The following AMPH variants were observed in gnomAD, a reference collection of about 807,000 sequenced individuals.
AMPH encodes amphiphysin (Stiff-Mann syndrome with breast cancer 128kD autoantigen).
Under a neutral mutation model 99.1 loss-of-function variants are expected in AMPH, and 49 were observed. The ratio of observed to expected loss-of-function variants is 0.49; its 90% CI spans 0.39 to 0.63. AMPH has a LOEUF of 0.63. Among genes scored for constraint, AMPH ranks in the 20% least tolerant of loss-of-function variants. The probability of loss-of-function intolerance (pLI) is 0.00; values close to 1 mark genes in which losing one functional copy is unlikely to be tolerated. For synonymous variants in AMPH, 314 were observed against 317.3 expected (o/e 0.99, Z 0.11); for missense variants, 759 against 863.4 (o/e 0.88, Z 1.52).
intron 2 of AMPH, 101 bp downstream of exon 2, chr7:38,534,830 C>T: frequency 2.1e-6 from 2 of 973,770 alleles, no homozygotes; most frequent in Non-Finnish European, 3.1e-6. Flanking sequence ...AGTGCCAACT[C>T]CATCTAGTCT....
chr7:38,422,832 C>G (rs1378981699), intron 15 of AMPH, among the ~76,000 whole-genome samples: 1 of 152,152 alleles, frequency 6.6e-6, no homozygotes, highest in Non-Finnish European at 1.5e-5. Flanking sequence ...GTTGCCCAAG[C>G]TGGTCTCGAA....
At chr7:38,394,866 C>T (rs1784622765) in intron 17 of AMPH, among the ~76,000 whole-genome samples, 1 of 152,198 alleles carries the variant, frequency 6.6e-6, no homozygotes, top group Non-Finnish European at 1.5e-5. Flanking sequence ...TAACCACCCT[C>T]TTTTTAAAAA....
intron 13 of AMPH, among the ~76,000 whole-genome samples, chr7:38,430,509 T>C: frequency 6.6e-6 from 1 of 152,234 alleles, no homozygotes; most frequent in East Asian, 1.9e-4. Context: ...CTAGCAAGTT[T>C]GTCCTCTGAA....
intron 5 of AMPH, among the ~76,000 whole-genome samples, chr7:38,483,887 T>C (rs923892725): frequency 2.0e-5 from 3 of 152,062 alleles, no homozygotes; most frequent in African/African-American, 7.2e-5. Flanking sequence ...AGGAAAATAA[T>C]GTATCCGCAA....
chr7:38,461,536 C>T (rs1787444519), intron 10 of AMPH, 125 bp from the exon 11 acceptor site: 1 of 1,121,980 alleles, frequency 8.9e-7, no homozygotes, highest in Non-Finnish European at 1.3e-6. Context: ...CTGCATATAG[C>T]AGCAAGCCTA....
chr7:38,456,966 A>T (rs1787260308), intron 11 of AMPH, among the ~76,000 whole-genome samples: 1 of 152,254 alleles, frequency 6.6e-6, no homozygotes, highest in Admixed American at 6.5e-5. Context: ...TAAGTCATTG[A>T]GGAAATCACA....
In AMPH at chr7:38,428,859, T is replaced by A. The variant is rs528293721; in HGVS notation, c.1182+983A>T. On this transcript the variant is annotated intron_variant, in intron 14 of 20. Coordinates refer to ENST00000356264, the MANE Select transcript of AMPH (RefSeq NM_001635.4). ...GTCAGTTTTCTCAAAATAATTTTCA[T>A]TGGCGTTTGTACTTTCCTTATACCC... The A allele has an allele frequency of 9.0e-6, 5 of 553,868 alleles. No homozygotes were observed. The Admixed American group carries it at 9.4e-5, about 10-fold the overall frequency. The allele number at this position is 553,868 out of a possible 1,614,324, so 34.3% of individuals were successfully genotyped here. A position where few individuals can be genotyped will look rare whatever the true frequency, so the allele number is the denominator to read the frequency against.
At chr7:38,425,709 A>C (rs908620728) in intron 15 of AMPH, among the ~76,000 whole-genome samples, 1 of 152,186 alleles carries the variant, frequency 6.6e-6, no homozygotes, top group African/African-American at 2.4e-5. Context: ...GAGTCAATAG[A>C]TAATACTTTA....
At chr7:38,609,669 CT>C (rs199949157) in intron 1 of AMPH, among the ~76,000 whole-genome samples, 3 of 151,388 alleles carry the variant, frequency 2.0e-5, no homozygotes, top group Admixed American at 6.6e-5. Flanking sequence ...TAAAATTTAT[CT>C]TTTTTTTTAA....
At chr7:38,475,506 TGGCATCTTGGAAATA>T in intron 6 of AMPH, 90 bp from the exon 7 acceptor site, 4 of 817,530 alleles carry the variant, frequency 4.9e-6, no homozygotes, top group Non-Finnish European at 7.8e-6. Flanking sequence ...AATAGTCTTA[TGGCATCTTGGAAATA>T]TTTTGAGAAG....
intron 1 of AMPH, among the ~76,000 whole-genome samples, chr7:38,570,430 G>C (rs1180893761): frequency 1.3e-5 from 2 of 152,120 alleles, no homozygotes; most frequent in Non-Finnish European, 2.9e-5. Flanking sequence ...GTCAAAGACA[G>C]ATCAAATATC....
chr7:38,535,449 A>G (rs770866128), intron 1 of AMPH, among the ~76,000 whole-genome samples: 2 of 152,118 alleles, frequency 1.3e-5, no homozygotes, highest in African/African-American at 2.4e-5. Flanking sequence ...GTGGTCCCCA[A>G]ACTTTTTGGC....
chr7:38,476,516 C>G (rs1788090674), intron 6 of AMPH, among the ~76,000 whole-genome samples: 1 of 152,114 alleles, frequency 6.6e-6, no homozygotes, highest in African/African-American at 2.4e-5. Flanking sequence ...CAAAAGTCAC[C>G]TCTGAGAATT....
intron 16 of AMPH, among the ~76,000 whole-genome samples, chr7:38,421,624 A>G (rs73348897): frequency 6.6e-6 from 1 of 152,218 alleles, no homozygotes; most frequent in African/African-American, 2.4e-5. Flanking sequence ...AAAAGAAATC[A>G]TTCTATTTAA....
At chr7:38,446,488 C>A (rs1392612058) in intron 11 of AMPH, among the ~76,000 whole-genome samples, 1 of 150,948 alleles carries the variant, frequency 6.6e-6, no homozygotes, top group Non-Finnish European at 1.5e-5. Context: ...TGTGCTACAA[C>A]ATTAATGAAT....
At chr7:38,410,037 A>T (rs1021973008) in intron 17 of AMPH, among the ~76,000 whole-genome samples, 1 of 152,240 alleles carries the variant, frequency 6.6e-6, no homozygotes, top group African/African-American at 2.4e-5. Flanking sequence ...CGCCGTGGAC[A>T]GCTTCAATGG....
intron 1 of AMPH, among the ~76,000 whole-genome samples, chr7:38,568,157 T>C (rs978179301): frequency 6.6e-6 from 1 of 152,180 alleles, no homozygotes; most frequent in Non-Finnish European, 1.5e-5. Context: ...ACGTGCAAAT[T>C]CAAATTAAGC....
intron 2 of AMPH, among the ~76,000 whole-genome samples, chr7:38,529,356 A>C (rs1169760225): frequency 6.6e-6 from 1 of 152,264 alleles, no homozygotes; most frequent in African/African-American, 2.4e-5. Context: ...GATACAATGC[A>C]TTAGTCCTCA....
chr7:38,445,193 T>C (rs1786725636), intron 11 of AMPH, among the ~76,000 whole-genome samples: 1 of 151,658 alleles, frequency 6.6e-6, no homozygotes, highest in African/African-American at 2.4e-5. Context: ...AGAGTAAGAA[T>C]ACTTTTCAAC....
Sources: allele counts gnomAD v4.1 joint callset (sites outside exome capture counted in the v4.1 genomes callset), GRCh38; gene constraint gnomAD v4.1.1; transcripts MANE v1.5; gene names NCBI Gene and HGNC (gene_info 2026-07-23, HGNC 2026-07-21).